The following VAV1 variants were observed in gnomAD, a reference collection of about 807,000 sequenced individuals.
VAV1 encodes proto-oncogene vav.
VAV1 carries 33 observed loss-of-function variants against 128.1 expected under a neutral mutation model. That is an observed-to-expected ratio of 0.26 (90% CI 0.20 to 0.34). VAV1 has a LOEUF of 0.34. VAV1 is among the 10% of genes least tolerant of loss of function. The pLI, the probability that VAV1 is intolerant of heterozygous loss-of-function variation, is 1.00. For synonymous variants in VAV1, 394 were observed against 409.8 expected (o/e 0.96, Z 0.47); for missense variants, 715 against 1,093.7 (o/e 0.65, Z 4.88).
At chr19:6,838,295 T>TTATCTATCTATC (rs57869416) in intron 21 of VAV1, among the ~76,000 whole-genome samples, 2,185 of 145,666 alleles carry the variant, frequency 0.015, 47 homozygotes, top group African/African-American at 0.044. Flanking sequence ...CATCTACATA[T>TTATCTATCTATC]TATCTATCTA....
intron 1 of VAV1, among the ~76,000 whole-genome samples, chr19:6,775,674 C>T (rs556945895): frequency 6.6e-5 from 10 of 152,216 alleles, no homozygotes; most frequent in African/African-American, 2.2e-4. Context: ...GAAGCCCGGC[C>T]GTGTGTCTGG....
At chr19:6,796,253 G>A (rs960553533) in intron 1 of VAV1, among the ~76,000 whole-genome samples, 3 of 152,128 alleles carry the variant, frequency 2.0e-5, no homozygotes, top group Admixed American at 1.3e-4. Context: ...GTGTGTACTC[G>A]AGAGAGAGGT....
At chr19:6,855,406 A>C (rs1972768223) in intron 26 of VAV1, among the ~76,000 whole-genome samples, 1 of 151,850 alleles carries the variant, frequency 6.6e-6, no homozygotes, top group African/African-American at 2.4e-5. Context: ...CCATCTATCC[A>C]TCCATCCATC....
intron 1 of VAV1, among the ~76,000 whole-genome samples, chr19:6,809,211 C>A (rs1388684870): frequency 6.6e-6 from 1 of 151,866 alleles, no homozygotes; most frequent in Non-Finnish European, 1.5e-5. Flanking sequence ...GTAGCTGGAA[C>A]TATAGGCATG....
Position 6,836,474 on chromosome 19 carries a change from C to T in VAV1, c.1820C>T (p.Pro607Leu). 6.2e-7 allele frequency: 1 copy of T among 1,614,098 alleles called. No individual in the cohort carries two copies. The highest frequency in any genetic ancestry group is 8.5e-7 in the Non-Finnish European group (1 of 1,180,016). The part of the protein sequence containing the change: ...MEVFQEYYGL[P>L]PPPGAIGPFL... The stretch of plus-strand genomic sequence containing the variant: ...GTGTTTCAGGAATACTACGGGCTTC[C>T]TCCACCCCCTGGAGCCATTGGACCC... Residue 607 changes from proline (P) to leucine (L), a missense_variant, in exon 20 of 27, where the codon CCT (proline) becomes CTT (leucine). By Grantham distance (98) the Pro-to-Leu change is moderately conservative (BLOSUM62 -3). This residue lies in a region of VAV1 where 407 missense variants were observed against 580.6 expected (regional missense o/e 0.70). Coordinates refer to ENST00000602142, the MANE Select transcript of VAV1 (RefSeq NM_005428.4).
Position 6,828,739 on chromosome 19 carries a change from T to C in VAV1, c.1179+31T>C. On this transcript the variant is annotated intron_variant, in intron 12 of 26. Coordinates refer to ENST00000602142, the MANE Select transcript of VAV1 (RefSeq NM_005428.4). The surrounding 1 kb of genome is among the most constrained non-coding windows in gnomAD (Gnocchi z 4.5). The stretch of plus-strand genomic sequence containing the variant: ...GCGGTGGAGCCGGGTGGGCCAGGGG[T>C]GTGGCCACGTGGGGAGAGTGTGTGT... 6.2e-7 allele frequency: 1 copy of C among 1,613,222 alleles called. No individual in the cohort carries two copies. The highest frequency in any genetic ancestry group is 8.5e-7 in the Non-Finnish European group (1 of 1,179,624).
At chr19:6,843,691 T>C (rs1377357350) in intron 22 of VAV1, among the ~76,000 whole-genome samples, 2 of 152,206 alleles carry the variant, frequency 1.3e-5, no homozygotes, top group African/African-American at 2.4e-5. Flanking sequence ...TCATAGTGTT[T>C]TTAGGAGGCG....
At chr19:6,782,567 T>C (rs1970789655) in intron 1 of VAV1, among the ~76,000 whole-genome samples, 1 of 152,168 alleles carries the variant, frequency 6.6e-6, no homozygotes, top group Non-Finnish European at 1.5e-5. Context: ...AGGGTACGTA[T>C]GTTAACTGCT....
At chr19:6,793,456 G>A (rs917167564) in intron 1 of VAV1, among the ~76,000 whole-genome samples, 2 of 152,084 alleles carry the variant, frequency 1.3e-5, no homozygotes, top group African/African-American at 4.8e-5. Context: ...TGATTTGTTG[G>A]GGGAGCTTAT....
intron 26 of VAV1, among the ~76,000 whole-genome samples, chr19:6,855,430 A>G (rs528075746): frequency 1.6e-4 from 25 of 151,988 alleles, no homozygotes; most frequent in African/African-American, 5.8e-4. Context: ...CCATCTATCT[A>G]TCCACAAATC....
At position 6,777,367 on chromosome 19, in the gene VAV1, T is replaced by C. The variant is rs1408452528; in HGVS notation, c.204+4356T>C. Among the ~76,000 whole-genome samples the C allele has an allele frequency of 6.6e-6, 1 of 152,120 alleles. No homozygotes were observed. Among genetic ancestry groups the C allele is most frequent in the Non-Finnish European group, 1.5e-5 (1 of 68,026 alleles). On this transcript the variant is annotated intron_variant, in intron 1 of 26. Transcript: ENST00000602142. The surrounding 1 kb of genome is among the most constrained non-coding windows in gnomAD (Gnocchi z 4.4). ...CACACACACACAAAAACCCCTGTTGTTGAGGAGCCTGCATTCTAGTGGGGG... is the reference window on the plus strand; with the variant it reads ...CACACACACACAAAAACCCCTGTTGCTGAGGAGCCTGCATTCTAGTGGGGG...
intron 4 of VAV1, 30 bp downstream of exon 4, chr19:6,821,889 T>C (rs1336794980): frequency 6.2e-7 from 1 of 1,613,876 alleles, no homozygotes; most frequent in East Asian, 2.2e-5. Context: ...GCCGCACAGC[T>C]CACTGGAGCA....
At chr19:6,849,247 C>T (rs1437939374) in intron 23 of VAV1, among the ~76,000 whole-genome samples, 1 of 150,508 alleles carries the variant, frequency 6.6e-6, no homozygotes, top group Non-Finnish European at 1.5e-5. Flanking sequence ...ATCCCACCCT[C>T]CTCCCTCTAG....
chr19:6,842,054 C>G (rs1407481086), intron 21 of VAV1, among the ~76,000 whole-genome samples: 1 of 151,646 alleles, frequency 6.6e-6, no homozygotes, highest in Non-Finnish European at 1.5e-5. Context: ...GGAAGAAACC[C>G]CATCTCTACT....
intron 1 of VAV1, among the ~76,000 whole-genome samples, chr19:6,804,817 A>G (rs538542040): frequency 5.3e-4 from 77 of 145,722 alleles, no homozygotes; most frequent in Non-Finnish European, 8.8e-4. Context: ...TCTGCCTCCC[A>G]CGTTCACGCC....
chr19:6,853,081 TAGG>T lies in VAV1; in HGVS notation c.2332+6_2332+8del. 6.2e-7 allele frequency: 1 copy of T among 1,610,362 alleles called. No individual in the cohort carries two copies. Among genetic ancestry groups the T allele is most frequent in the Non-Finnish European group, 8.5e-7 (1 of 1,177,640 alleles). On this transcript the variant is annotated splice_donor_5th_base_variant and intron_variant, in intron 25 of 26. Transcript: ENST00000602142. ...AGAGAACCATCAGCAGGCCAGCAGG[TAGG>T]AGGTCTCAGACTGGGGGCTTACAGC...
At chr19:6,812,443 T>A (rs557909522) in intron 1 of VAV1, among the ~76,000 whole-genome samples, 1 of 152,222 alleles carries the variant, frequency 6.6e-6, no homozygotes, top group African/African-American at 2.4e-5. Flanking sequence ...TTACTTGAGG[T>A]AAGGAGTTCA....
In VAV1 at chr19:6,778,493, C is replaced by G. The variant is rs1014673637; in HGVS notation, c.204+5482C>G. Among the ~76,000 whole-genome samples, 8 of 152,216 alleles carry G rather than the reference C, an allele frequency of 5.3e-5. No homozygotes were observed. In the East Asian group the frequency reaches 1.2e-3, roughly 22 times the overall value. On this transcript the variant is annotated intron_variant, in intron 1 of 26. Coordinates refer to ENST00000602142, the MANE Select transcript of VAV1 (RefSeq NM_005428.4). Reference sequence around the variant, plus strand: ...TGGGTGGTGGCTTTGGAGAGCCACACCTGGGTTCAAATTCTGGTACCACCA... The same window carrying G: ...TGGGTGGTGGCTTTGGAGAGCCACAGCTGGGTTCAAATTCTGGTACCACCA...
intron 14 of VAV1, 128 bp downstream of exon 14, chr19:6,830,046 G>T: frequency 7.0e-7 from 1 of 1,433,856 alleles, no homozygotes. Context: ...CTCAACAGGT[G>T]TTTTTTGTTT....
Sources: gnomAD v4.1 joint callset for allele counts (sites outside exome capture counted in the v4.1 genomes callset) on GRCh38, gnomAD v4.1.1 for gene constraint, gnomAD v4.1.1 regional missense constraint, Gnocchi (gnomAD v3.1) non-coding constraint, MANE v1.5 for transcripts, NCBI Gene and HGNC (gene_info 2026-07-23, HGNC 2026-07-21) for gene names.